ATP8B4: variants seen among roughly 807,000 people sequenced by gnomAD.
ATP8B4 encodes ATPase phospholipid transporting 8B4 (putative), also known as probable phospholipid-transporting ATPase IM.
Under a neutral mutation model 145.6 loss-of-function variants are expected in ATP8B4, and 133 were observed. That is an observed-to-expected ratio of 0.91 (90% CI 0.79 to 1.05). ATP8B4 has a LOEUF of 1.05. Among genes scored for constraint, ATP8B4 ranks in the 50% least tolerant of loss-of-function variants. The probability of loss-of-function intolerance (pLI) is 0.00; values close to 1 mark genes in which losing one functional copy is unlikely to be tolerated. For missense variants in ATP8B4, 1,458 were observed against 1,425.2 expected, an observed-to-expected ratio of 1.02 and a Z score of -0.37; for synonymous variants, 507 against 492.9, an observed-to-expected ratio of 1.03 and a Z score of -0.38.
rs796755421 is a variant in ATP8B4, at chr15:49,950,628, C to A, written c.1287+11349G>T. ...CAAACAAACAAACAAACAAAAAAAA[C>A]AACAACAACAACAAAAAACCAGCTC... On this transcript the variant is annotated intron_variant, in intron 14 of 27. Transcript: ENST00000284509. Among the ~76,000 whole-genome samples, 532 of 57,546 alleles carry A rather than the reference C, an allele frequency of 9.2e-3. 6 individuals are homozygous for A. The highest frequency in any genetic ancestry group is 0.02 in the African/African-American group (421 of 21,296). 37.8% of individuals were successfully genotyped at this position (57,546 alleles called of 152,430 possible).
rs570847936 is a variant in ATP8B4, at chr15:49,886,304, T to C, written c.2698-6845A>G. Reference sequence around the variant, plus strand: ...GTTTCCTAGGCTATAAAATGAGGATTACAGGGAGGCTGTGAGCATTCAATG... The same window carrying C: ...GTTTCCTAGGCTATAAAATGAGGATCACAGGGAGGCTGTGAGCATTCAATG... On this transcript the variant is annotated intron_variant, in intron 23 of 27. Transcript: ENST00000284509. Among the ~76,000 whole-genome samples, 3 of 152,126 alleles carry C rather than the reference T, an allele frequency of 2.0e-5. No individual in the cohort carries two copies. In the East Asian group the frequency reaches 5.8e-4, roughly 29 times the overall value.
At chr15:50,021,133 T>TAGAG (rs2049525226) in intron 6 of ATP8B4, among the ~76,000 whole-genome samples, 1 of 133,252 alleles carries the variant, frequency 7.5e-6, no homozygotes, top group Non-Finnish European at 1.7e-5. Flanking sequence ...GATAGATAGA[T>TAGAG]AGATAGATAG....
chr15:49,948,848 G>T (rs1477441186), intron 14 of ATP8B4, among the ~76,000 whole-genome samples: 1 of 152,090 alleles, frequency 6.6e-6, no homozygotes, highest in Non-Finnish European at 1.5e-5. Flanking sequence ...ATTCCTTTTG[G>T]CATTTTTGTA....
chr15:50,019,413 C>T (rs557903964), intron 6 of ATP8B4, among the ~76,000 whole-genome samples: 6 of 152,126 alleles, frequency 3.9e-5, no homozygotes, highest in Non-Finnish European at 8.8e-5. Flanking sequence ...CTTTGAAATG[C>T]CACAAACCCA....
intron 1 of ATP8B4, among the ~76,000 whole-genome samples, chr15:50,146,045 C>A (rs2044272454): frequency 7.4e-6 from 1 of 134,916 alleles, no homozygotes; most frequent in Admixed American, 8.2e-5. Context: ...CGGAGTCTCA[C>A]TCTGTTGCCC....
intron 3 of ATP8B4, among the ~76,000 whole-genome samples, chr15:50,073,138 AG>A (rs1020436452): frequency 6.7e-6 from 1 of 150,232 alleles, no homozygotes; most frequent in Non-Finnish European, 1.5e-5. Flanking sequence ...CAGAATGTGC[AG>A]GTTTGTTACA....
At chr15:50,083,937 C>G (rs1189326888) in intron 2 of ATP8B4, among the ~76,000 whole-genome samples, 1 of 152,030 alleles carries the variant, frequency 6.6e-6, no homozygotes, top group Non-Finnish European at 1.5e-5. Flanking sequence ...GTTTTCATGC[C>G]CACAGATATG....
intron 3 of ATP8B4, among the ~76,000 whole-genome samples, chr15:50,067,538 T>C (rs1744106885): frequency 1.3e-5 from 2 of 152,194 alleles, no homozygotes. Flanking sequence ...CTTTGAGCTC[T>C]CCTTTCCCTA....
chr15:50,140,548 C>A (rs1362023668), intron 1 of ATP8B4, among the ~76,000 whole-genome samples: 1 of 152,158 alleles, frequency 6.6e-6, no homozygotes, highest in Non-Finnish European at 1.5e-5. Context: ...TTAAGAGTGC[C>A]ATAAATGTCA....
At chr15:50,046,731 G>T (rs1012074130) in intron 4 of ATP8B4, among the ~76,000 whole-genome samples, 3 of 152,114 alleles carry the variant, frequency 2.0e-5, no homozygotes, top group African/African-American at 7.2e-5. Flanking sequence ...GTATGTATGT[G>T]TACAGTATAT....
chr15:50,163,469 T>C (rs1184268545), intron 1 of ATP8B4, among the ~76,000 whole-genome samples: 2 of 152,242 alleles, frequency 1.3e-5, no homozygotes, highest in African/African-American at 4.8e-5. Flanking sequence ...TTCTTTACTT[T>C]TCCCCAAACA....
At chr15:49,991,098 G>C (rs2047011635) in intron 9 of ATP8B4, among the ~76,000 whole-genome samples, 1 of 152,146 alleles carries the variant, frequency 6.6e-6, no homozygotes, top group Non-Finnish European at 1.5e-5. Flanking sequence ...TGCCTCATGA[G>C]TCAGCTGTGC....
chr15:50,109,976 T>C (rs1372468355), intron 1 of ATP8B4, among the ~76,000 whole-genome samples: 2 of 152,208 alleles, frequency 1.3e-5, no homozygotes, highest in Non-Finnish European at 2.9e-5. Flanking sequence ...CTAAAATTAC[T>C]TTTAAAACAT....
intron 25 of ATP8B4, among the ~76,000 whole-genome samples, chr15:49,874,789 C>A (rs952360160): frequency 6.6e-6 from 1 of 151,964 alleles, no homozygotes; most frequent in Non-Finnish European, 1.5e-5. Flanking sequence ...CGTGACTAAA[C>A]AATGTTTTTA....
chr15:50,003,903 C>A (rs1488591562), intron 7 of ATP8B4, among the ~76,000 whole-genome samples: 1 of 152,122 alleles, frequency 6.6e-6, no homozygotes, highest in Non-Finnish European at 1.5e-5. Flanking sequence ...GTGACTGAGG[C>A]GCCACTGCCA....
chr15:50,032,386 A>G (rs1405694407), intron 6 of ATP8B4, among the ~76,000 whole-genome samples: 1 of 152,232 alleles, frequency 6.6e-6, no homozygotes. Context: ...ATGGCTGCAT[A>G]GTATTCCATG....
At chr15:50,002,048 T>C (rs1035349347) in intron 8 of ATP8B4, 105 bp downstream of exon 8, 11 of 914,492 alleles carry the variant, frequency 1.2e-5, no homozygotes, top group Non-Finnish European at 1.8e-5. Flanking sequence ...TGTAAACTCC[T>C]ATGTCTCCCA....
At chr15:50,042,474 A>G (rs1273393583) in intron 5 of ATP8B4, among the ~76,000 whole-genome samples, 4 of 152,144 alleles carry the variant, frequency 2.6e-5, no homozygotes, top group Non-Finnish European at 5.9e-5. Context: ...CACTTTCTCC[A>G]TAATATCTTC....
chr15:49,904,116 G>A (rs928156036), intron 20 of ATP8B4, among the ~76,000 whole-genome samples: 1 of 152,050 alleles, frequency 6.6e-6, no homozygotes, highest in Non-Finnish European at 1.5e-5. Flanking sequence ...TGGAACCTAC[G>A]TCTTCATATT....
Sources: gnomAD v4.1 joint callset for allele counts (sites outside exome capture counted in the v4.1 genomes callset) on GRCh38, gnomAD v4.1.1 for gene constraint, MANE v1.5 for transcripts, NCBI Gene and HGNC (gene_info 2026-07-23, HGNC 2026-07-21) for gene names.